DNAJB11: variants seen among roughly 807,000 people sequenced by gnomAD.
DNAJB11 encodes the protein DnaJ heat shock protein family (Hsp40) member B11.
A neutral mutation model predicts 47.2 loss-of-function variants in DNAJB11; 30 were observed. That is an observed-to-expected ratio of 0.64 (90% confidence interval 0.48 to 0.86). The LOEUF (loss-of-function observed/expected upper bound fraction) is 0.86, where lower values mean the gene tolerates loss of function less well. Among genes scored for constraint, DNAJB11 ranks in the 40% least tolerant of loss-of-function variants. The pLI is 0.00. For synonymous variants in DNAJB11, 151 were observed against 159.9 expected, an observed-to-expected ratio of 0.94 and a Z score of 0.42; for missense variants, 357 against 440.2, an observed-to-expected ratio of 0.81 and a Z score of 1.69.
At position 186,570,951 on chromosome 3, in the gene DNAJB11, G is replaced by A. The variant is rs1025282709; in HGVS notation, c.54G>A (p.Gly18=). The A allele has an allele frequency of 6.3e-7, 1 of 1,596,716 alleles. No homozygotes were observed. Among genetic ancestry groups the A allele is most frequent in the Non-Finnish European group, 8.5e-7 (1 of 1,172,026 alleles). ...GCCTGTTGCTGCTATACCTCATCGG[G>A]GCGGTGATTGCCGGGTGAGGAACAG... ...TFCLLLLYLI[G]AVIAGRDFYK... The change falls in exon 1 of 10, where the codon GGG becomes GGA. Residue 18 remains glycine (G), a synonymous_variant. Coordinates refer to ENST00000265028, the MANE Select transcript of DNAJB11 (RefSeq NM_016306.6).
chr3:186,574,210 G>C (rs1246006292), intron 2 of DNAJB11, among the ~76,000 whole-genome samples: 5 of 152,188 alleles, frequency 3.3e-5, no homozygotes, highest in Admixed American at 2.0e-4. Flanking sequence ...TTTTAAAATA[G>C]TTTCCAAGAC....
At chr3:186,573,394 T>A in intron 2 of DNAJB11, among the ~76,000 whole-genome samples, 1 of 150,920 alleles carries the variant, frequency 6.6e-6, no homozygotes, top group Non-Finnish European at 1.5e-5. Flanking sequence ...TTCTTTTTTA[T>A]TTTTTTTTGA....
At chr3:186,584,663 A>T (rs919610087) in intron 9 of DNAJB11, 74 bp downstream of exon 9, 3 of 1,290,790 alleles carry the variant, frequency 2.3e-6, no homozygotes, top group Admixed American at 3.9e-5. Flanking sequence ...TGAGAAAAGG[A>T]TGGCAATAGA....
At chr3:186,577,508 A>G (rs932098644) in intron 3 of DNAJB11, among the ~76,000 whole-genome samples, 160 bp from the exon 4 acceptor site, 10 of 152,188 alleles carry the variant, frequency 6.6e-5, no homozygotes, top group African/African-American at 2.2e-4. Flanking sequence ...ATTTAAAATT[A>G]TGTATGATAG....
chr3:186,571,126 G>A (rs1008888362), intron 1 of DNAJB11, among the ~76,000 whole-genome samples, 161 bp downstream of exon 1: 1 of 152,178 alleles, frequency 6.6e-6, no homozygotes, highest in African/African-American at 2.4e-5. Context: ...GGCCAGGCTA[G>A]TGGGGTGAGA....
chr3:186,581,563 G>T (rs754356899), intron 5 of DNAJB11, 50 bp downstream of exon 5: 11 of 1,588,884 alleles, frequency 6.9e-6, no homozygotes, highest in Non-Finnish European at 9.4e-6. Flanking sequence ...TGTTAATTTC[G>T]TTCATCTAGT....
chr3:186,581,970 C>T (rs768333865), intron 5 of DNAJB11, 25 bp from the exon 6 acceptor site: 14 of 1,565,588 alleles, frequency 8.9e-6, no homozygotes, highest in Non-Finnish European at 1.1e-5. Flanking sequence ...TTATTTTTCT[C>T]CTCTTTTAAT....
intron 1 of DNAJB11, 69 bp downstream of exon 1, chr3:186,571,034 G>T: frequency 9.0e-7 from 1 of 1,115,570 alleles, no homozygotes; most frequent in Non-Finnish European, 1.3e-6. Flanking sequence ...GGAGGGGGTG[G>T]GGGAAGTGGC....
intron 4 of DNAJB11, 89 bp downstream of exon 4, chr3:186,577,889 C>G (rs1715355251): frequency 1.7e-6 from 2 of 1,152,010 alleles, no homozygotes; most frequent in African/African-American, 3.2e-5. Context: ...CCTTCTCTGT[C>G]TTTTTGAGGG....
At chr3:186,578,509 G>T (rs111878611) in intron 4 of DNAJB11, 62 of 152,290 alleles carry the variant, frequency 4.1e-4, no homozygotes, top group African/African-American at 1.3e-3. Flanking sequence ...CAATTTATGA[G>T]ATCCTATAGA....
intron 8 of DNAJB11, 77 bp from the exon 9 acceptor site, chr3:186,584,353 C>T (rs1715596997): frequency 7.2e-7 from 1 of 1,387,668 alleles, no homozygotes; most frequent in Admixed American, 2.9e-5. Flanking sequence ...GCTTTGTGTA[C>T]CAGTGCTCAC....
intron 2 of DNAJB11, among the ~76,000 whole-genome samples, chr3:186,574,479 T>C (rs1411194950): frequency 4.6e-5 from 7 of 152,210 alleles, no homozygotes; most frequent in Non-Finnish European, 1.0e-4. Flanking sequence ...TAAGGGTTTT[T>C]TTTTTTTTCA....
At chr3:186,582,806 T>C (rs1715531147) in intron 7 of DNAJB11, 33 bp downstream of exon 7, 2 of 1,497,908 alleles carry the variant, frequency 1.3e-6, no homozygotes, top group Non-Finnish European at 1.8e-6. Context: ...TCTTCTCAGA[T>C]GAGTCAAATT....
intron 2 of DNAJB11, among the ~76,000 whole-genome samples, chr3:186,573,542 T>C (rs4686431): frequency 0.27 from 40,344 of 151,806 alleles, 6,749 homozygotes; most frequent in African/African-American, 0.47. Context: ...TGCACCACCA[T>C]GCCCAGCTAA....
rs1715088224 is a variant in DNAJB11, at chr3:186,572,193, G to A, written c.167G>A (p.Arg56Gln). The A allele has an allele frequency of 5.0e-6, 8 of 1,613,688 alleles. No homozygotes were observed. Among genetic ancestry groups the A allele is most frequent in the African/African-American group, 1.3e-5 (1 of 74,848 alleles). ...CTAGCCCTGCAGCTTCATCCCGACC[G>A]GAACCCTGATGATCCACAAGCCCAG... Reference protein sequence around the residue: ...RKLALQLHPDRNPDDPQAQEK... With the variant: ...RKLALQLHPDQNPDDPQAQEK... Residue 56 changes from arginine (R) to glutamine (Q), a missense_variant, in exon 2 of 10, where the codon CGG becomes CAG. Coordinates refer to ENST00000265028, the MANE Select transcript of DNAJB11 (RefSeq NM_016306.6).
intron 9 of DNAJB11, among the ~76,000 whole-genome samples, chr3:186,584,795 AT>A (rs2108487309): frequency 6.6e-6 from 1 of 152,312 alleles, no homozygotes; most frequent in Non-Finnish European, 1.5e-5. Context: ...ACAAAAGTCT[AT>A]GTAAGCTGTG....
At chr3:186,574,942 A>G (rs989246482) in intron 2 of DNAJB11, among the ~76,000 whole-genome samples, 1 of 151,952 alleles carries the variant, frequency 6.6e-6, no homozygotes, top group African/African-American at 2.4e-5. Flanking sequence ...ATATGTGCAT[A>G]TATATCAGAT....
intron 3 of DNAJB11, among the ~76,000 whole-genome samples, chr3:186,576,932 C>A (rs1715320432): frequency 6.6e-6 from 1 of 152,168 alleles, no homozygotes; most frequent in Non-Finnish European, 1.5e-5. Context: ...TAGTTATCAT[C>A]TTCGCTATGC....
rs372751945 is a variant in DNAJB11, at chr3:186,581,487, G to A, written c.573G>A (p.Val191=). ...GPGRFQMTQE[V]VCDECPNVKL... ...GGCGCTTCCAAATGACCCAGGAGGT[G>A]GTCTGCGACGAATGCCCTAATGTCA... is the stretch of plus-strand genomic sequence containing the variant. The change falls in exon 5 of 10, where the codon GTG becomes GTA. Residue 191 remains valine, a synonymous_variant. Transcript: ENST00000265028. The A allele has an allele frequency of 1.2e-6, 2 of 1,613,176 alleles. No homozygotes were observed. Among genetic ancestry groups the A allele is most frequent in the African/African-American group, 1.3e-5 (1 of 74,784 alleles).
Sources: allele counts gnomAD v4.1 joint callset (sites outside exome capture counted in the v4.1 genomes callset), GRCh38; gene constraint gnomAD v4.1.1; transcripts MANE v1.5; gene names NCBI Gene and HGNC (gene_info 2026-07-23, HGNC 2026-07-21).